Variants in COL19A1 observed in about 807,000 individuals in gnomAD.
COL19A1 encodes the protein collagen alpha-1(XIX) chain.
COL19A1 carries 159 observed loss-of-function variants against 190.2 expected under a neutral mutation model. The ratio of observed to expected loss-of-function variants is 0.84; its 90% CI spans 0.73 to 0.95. COL19A1 has a LOEUF of 0.95. Among genes scored for constraint, COL19A1 ranks in the 40% least tolerant of loss-of-function variants. COL19A1 has a pLI of 0.00. For missense variants in COL19A1, 1,418 were observed against 1,431.9 expected (o/e 0.99, Z 0.16); for synonymous variants, 509 against 458.9 (o/e 1.11, Z -1.39).
At chr6:70,103,574 C>T (rs1783768713) in intron 16 of COL19A1, among the ~76,000 whole-genome samples, 1 of 152,192 alleles carries the variant, frequency 6.6e-6, no homozygotes, top group Admixed American at 6.5e-5. Context: ...CCTCTATGCC[C>T]TTCCTTCTTT....
intron 15 of COL19A1, among the ~76,000 whole-genome samples, chr6:70,077,397 C>T (rs1206628124): frequency 1.3e-5 from 2 of 152,048 alleles, no homozygotes; most frequent in Admixed American, 1.3e-4. Context: ...CTCTTGAATT[C>T]TTCAGAAATA....
chr6:70,048,981 T>G (rs1009321001), intron 14 of COL19A1, among the ~76,000 whole-genome samples: 42 of 152,010 alleles, frequency 2.8e-4, no homozygotes, highest in African/African-American at 9.6e-4. Context: ...CTCTTTCCAT[T>G]CTGACTAGAA....
Position 69,938,106 on chromosome 6 carries a change from A to T in COL19A1, c.936+6A>T. 1.2e-6 allele frequency: 2 copies of T among 1,611,484 alleles called. No individual in the cohort carries two copies. On this transcript the variant is annotated splice_donor_region_variant and intron_variant, in intron 9 of 50. Transcript: ENST00000620364. The stretch of plus-strand genomic sequence containing the variant: ...AAGGGCATAAAGGAGAGCCGGTAAG[A>T]AAAAAACAAATACTGATGGAGAAAA...
chr6:70,052,344 C>T (rs1483652044), intron 14 of COL19A1, among the ~76,000 whole-genome samples: 1 of 152,120 alleles, frequency 6.6e-6, no homozygotes, highest in African/African-American at 2.4e-5. Context: ...CAGTTAGTGC[C>T]TCACTCACAA....
rs143066605 is a variant in COL19A1 at position 70,144,765 on chromosome 6, T to G, written c.1681-153T>G. 2.1e-3 allele frequency among the ~76,000 whole-genome samples: 321 copies of G among 152,140 alleles called. 3 individuals carry two copies. The highest frequency in any genetic ancestry group is 0.018 in the East Asian group (91 of 5,166). ...CATGAATTAGGTACTCAATAAATAT[T>G]ATTGAGTGAGTTGGTGAGTGAGTGA... On this transcript the variant is annotated intron_variant, in intron 24 of 50. Coordinates refer to ENST00000620364, the MANE Select transcript of COL19A1 (RefSeq NM_001858.6).
chr6:70,094,264 C>T (rs745880515), intron 15 of COL19A1, among the ~76,000 whole-genome samples: 3 of 152,156 alleles, frequency 2.0e-5, no homozygotes, highest in Non-Finnish European at 2.9e-5. Flanking sequence ...AACTAAACTT[C>T]CCAGATAGTC....
chr6:69,921,054 A>ATATAT (rs1451133201), intron 4 of COL19A1, among the ~76,000 whole-genome samples: 2 of 49,080 alleles, frequency 4.1e-5, no homozygotes, highest in Non-Finnish European at 8.3e-5. Context: ...TCATAGACAT[A>ATATAT]TCATATATAT....
chr6:70,148,678 G>C (rs1786831944), intron 27 of COL19A1, among the ~76,000 whole-genome samples: 2 of 152,142 alleles, frequency 1.3e-5, no homozygotes, highest in African/African-American at 4.8e-5. Context: ...TGTAATCCCA[G>C]CACTTTGGGA....
rs142710809 is a variant in COL19A1, at chr6:69,935,546, T to A, written c.748-1239T>A. Among the ~76,000 whole-genome samples the A allele has an allele frequency of 2.6e-5, 4 of 152,158 alleles. No homozygotes were observed. In the East Asian group the frequency reaches 7.7e-4, roughly 29 times the overall value. The stretch of plus-strand genomic sequence containing the variant: ...TCAAATATACAATAGTTTTTAGACT[T>A]TCAAATTTGGGAACTTGTTAGGATA... On this transcript the variant is annotated intron_variant, in intron 7 of 50. Coordinates refer to ENST00000620364, the MANE Select transcript of COL19A1 (RefSeq NM_001858.6).
intron 1 of COL19A1, among the ~76,000 whole-genome samples, chr6:69,868,099 A>G (rs1034677709): frequency 1.8e-4 from 28 of 151,592 alleles, no homozygotes; most frequent in African/African-American, 6.8e-4. Context: ...GCACACCAGT[A>G]TCTATTTTCA....
At chr6:70,180,179 C>A in intron 42 of COL19A1, 133 bp from the exon 43 acceptor site, 1 of 949,758 alleles carries the variant, frequency 1.1e-6, no homozygotes. Context: ...AGCCACCACA[C>A]CTGGCCAGAA....
chr6:69,946,477 T>A (rs1773813060), intron 9 of COL19A1, among the ~76,000 whole-genome samples: 1 of 151,994 alleles, frequency 6.6e-6, no homozygotes. Context: ...GAATTACATA[T>A]TTCTGTGTGA....
At chr6:69,912,661 G>A (rs1434799710) in intron 4 of COL19A1, among the ~76,000 whole-genome samples, 1 of 152,090 alleles carries the variant, frequency 6.6e-6, no homozygotes, top group African/African-American at 2.4e-5. Flanking sequence ...GAAGGTGGTG[G>A]CAGAGATCTA....
In COL19A1 at chr6:70,001,953, AG is replaced by A. The variant is rs1449084507; in HGVS notation, c.1027-21671del. 2.0e-5 allele frequency among the ~76,000 whole-genome samples: 3 copies of A among 152,170 alleles called. 1 individual carries two copies. The highest frequency in any genetic ancestry group is 2.4e-5 in the African/African-American group (1 of 41,442). The stretch of plus-strand genomic sequence containing the variant: ...ATCTGTGTCTTGTGCCTGTTTTCAA[AG>A]GGAATGCTTCCAGCTTTTGCCCATT... On this transcript the variant is annotated intron_variant, in intron 11 of 50. Transcript: ENST00000620364.
At chr6:69,997,976 A>G (rs1376424353) in intron 11 of COL19A1, among the ~76,000 whole-genome samples, 1 of 152,204 alleles carries the variant, frequency 6.6e-6, no homozygotes, top group South Asian at 2.1e-4. Flanking sequence ...TTTAAAAGCA[A>G]TAACAGAAAA....
intron 4 of COL19A1, among the ~76,000 whole-genome samples, chr6:69,912,341 A>T (rs1018133569): frequency 6.6e-6 from 1 of 152,158 alleles, no homozygotes; most frequent in Non-Finnish European, 1.5e-5. Context: ...TATTATATTA[A>T]CATCAATGCG....
intron 14 of COL19A1, among the ~76,000 whole-genome samples, chr6:70,049,504 G>A (rs999763095): frequency 3.3e-5 from 5 of 151,944 alleles, no homozygotes; most frequent in Admixed American, 6.6e-5. Flanking sequence ...TGGCTCGTTC[G>A]ACATGGAGGT....
rs778171854 is a variant in COL19A1, at chr6:70,142,118, G to A, written c.1572+42G>A. ...TAAGATTTCTTGGGAAATAATTTGG[G>A]AATTGTAGCCATTCTGTGTAAAACA... is the stretch of plus-strand genomic sequence containing the variant. On this transcript the variant is annotated intron_variant, in intron 22 of 50. Transcript: ENST00000620364. 4.5e-6 allele frequency: 7 copies of A among 1,564,844 alleles called. 1 individual carries two copies. The highest frequency in any genetic ancestry group is 8.7e-7 in the Non-Finnish European group (1 of 1,143,902).
intron 15 of COL19A1, among the ~76,000 whole-genome samples, chr6:70,099,475 A>T (rs1447672215): frequency 6.6e-6 from 1 of 152,174 alleles, no homozygotes; most frequent in East Asian, 1.9e-4. Flanking sequence ...TATGAAACAT[A>T]AATGAATTTT....
Sources: allele counts gnomAD v4.1 joint callset (sites outside exome capture counted in the v4.1 genomes callset), GRCh38; gene constraint gnomAD v4.1.1; transcripts MANE v1.5; gene names NCBI Gene and HGNC (gene_info 2026-07-23, HGNC 2026-07-21).